SLC45A2: variants seen among roughly 807,000 people sequenced by gnomAD.
The protein encoded by SLC45A2 is solute carrier family 45 member 2, also known as membrane-associated transporter protein.
SLC45A2 carries 36 observed loss-of-function variants against 45.5 expected under a neutral mutation model. The ratio of observed to expected loss-of-function variants is 0.79; its 90% CI spans 0.61 to 1.04. The LOEUF is 1.04. Among genes scored for constraint, SLC45A2 ranks in the 50% least tolerant of loss-of-function variants. SLC45A2 has a pLI of 0.00. For synonymous variants in SLC45A2, 306 were observed against 269.3 expected, an observed-to-expected ratio of 1.14 and a Z score of -1.33; for missense variants, 719 against 671.0, an observed-to-expected ratio of 1.07 and a Z score of -0.79.
At chr5:33,969,225 G>A (rs568914580) in intron 2 of SLC45A2, among the ~76,000 whole-genome samples, 2 of 151,160 alleles carry the variant, frequency 1.3e-5, no homozygotes, top group South Asian at 4.2e-4. Context: ...TGGAGGCTGA[G>A]TACAGAAAAA....
intron 5 of SLC45A2, among the ~76,000 whole-genome samples, chr5:33,950,079 C>T (rs553796650): frequency 3.3e-5 from 5 of 151,954 alleles, no homozygotes; most frequent in African/African-American, 1.2e-4. Flanking sequence ...TGCTTGTGGT[C>T]CCGGGTACTC....
chr5:33,972,164 A>G (rs1036724057), intron 2 of SLC45A2: 12 of 520,404 alleles, frequency 2.3e-5, no homozygotes, highest in Admixed American at 8.0e-5. Context: ...CATCATTTTT[A>G]TGGATGAATT....
chr5:33,957,322 T>G (rs73761621), intron 3 of SLC45A2, among the ~76,000 whole-genome samples: 4,146 of 152,244 alleles, frequency 0.027, 218 homozygotes, highest in African/African-American at 0.096. Context: ...TCTACTGAGA[T>G]TTTCTATTTT....
At chr5:33,975,030 TGA>T (rs1752886926) in intron 2 of SLC45A2, among the ~76,000 whole-genome samples, 1 of 150,108 alleles carries the variant, frequency 6.7e-6, no homozygotes, top group African/African-American at 2.5e-5. Flanking sequence ...TTAAACAAAG[TGA>T]GAGACTCCAC....
chr5:33,957,602 T>C (rs1192194533), intron 3 of SLC45A2, among the ~76,000 whole-genome samples: 5 of 152,168 alleles, frequency 3.3e-5, no homozygotes, highest in Admixed American at 6.5e-5. Context: ...TAAATGATTA[T>C]AACCAAAATG....
chr5:33,968,470 G>A (rs1446774621), intron 2 of SLC45A2, among the ~76,000 whole-genome samples: 2 of 152,226 alleles, frequency 1.3e-5, no homozygotes, highest in African/African-American at 2.4e-5. Flanking sequence ...AGAAGGGCCA[G>A]AAGTGGTCCA....
At chr5:33,969,482 C>T (rs1347383066) in intron 2 of SLC45A2, among the ~76,000 whole-genome samples, 1 of 152,108 alleles carries the variant, frequency 6.6e-6, no homozygotes, top group East Asian at 1.9e-4. Context: ...TCTCATTGGG[C>T]CCTTCTTTCA....
chr5:33,950,478 C>G (rs1752066900), intron 5 of SLC45A2, among the ~76,000 whole-genome samples: 2 of 152,174 alleles, frequency 1.3e-5, no homozygotes, highest in Admixed American at 1.3e-4. Context: ...TTGGGCTCAT[C>G]AACTTGCATG....
chr5:33,952,480 TAAGTG>T (rs1752138662), intron 4 of SLC45A2, among the ~76,000 whole-genome samples: 2 of 151,798 alleles, frequency 1.3e-5, no homozygotes, highest in Non-Finnish European at 1.5e-5. Flanking sequence ...CATCTGTAGA[TAAGTG>T]AAAAGTCATT....
chr5:33,951,530 T>C (rs1304524525), intron 5 of SLC45A2, 24 bp downstream of exon 5: 1 of 1,613,930 alleles, frequency 6.2e-7, no homozygotes. Flanking sequence ...TTAGAAGACA[T>C]CCTTAGGAGA....
rs756708646 is a variant in SLC45A2 at position 33,954,456 on chromosome 5, T to C, written c.937A>G (p.Met313Val). The C allele has an allele frequency of 1.2e-6, 2 of 1,613,960 alleles. No homozygotes were observed. The highest frequency in any genetic ancestry group is 1.7e-6 in the Non-Finnish European group (2 of 1,179,998). The change falls in exon 4 of 7, where the codon ATG (methionine) becomes GTG (valine). Residue 313 changes from methionine to valine, a missense_variant. By Grantham distance (21) the Met-to-Val change is conservative (BLOSUM62 1). Coordinates refer to ENST00000296589, the MANE Select transcript of SLC45A2 (RefSeq NM_016180.5). ...LKSLLRALVN[M>V]PPHYRYLCIS... The stretch of plus-strand genomic sequence containing the variant: ...CAAAGGTAGCGGTAGTGAGGAGGCA[T>C]GTTCACCAGTGCTCTCAGCAGTGAC...
chr5:33,954,284 G>A (rs1752204595), intron 4 of SLC45A2, 77 bp downstream of exon 4: 1 of 1,587,586 alleles, frequency 6.3e-7, no homozygotes, highest in African/African-American at 1.3e-5. Context: ...TTAGAGGATA[G>A]CCCAGAAGAA....
At chr5:33,965,800 G>T (rs969831532) in intron 2 of SLC45A2, among the ~76,000 whole-genome samples, 1 of 152,188 alleles carries the variant, frequency 6.6e-6, no homozygotes, top group Non-Finnish European at 1.5e-5. Context: ...CAACCAATAA[G>T]AATGTATTAA....
chr5:33,954,536 T>C (rs755483244), intron 3 of SLC45A2, 32 bp from the exon 4 acceptor site: 6 of 1,612,508 alleles, frequency 3.7e-6, no homozygotes, highest in Middle Eastern at 2.0e-4. Flanking sequence ...AGGTGTGATC[T>C]TCACTGCAGA....
intron 2 of SLC45A2, among the ~76,000 whole-genome samples, chr5:33,968,509 G>C (rs1752674756): frequency 6.6e-6 from 1 of 152,336 alleles, no homozygotes; most frequent in African/African-American, 2.4e-5. Flanking sequence ...AAGCCAGGCT[G>C]TGTTGTCAAA....
intron 2 of SLC45A2, among the ~76,000 whole-genome samples, chr5:33,967,729 T>C (rs1752640294): frequency 6.6e-6 from 1 of 151,770 alleles, no homozygotes; most frequent in Non-Finnish European, 1.5e-5. Context: ...TAACCCCTTG[T>C]CTTGTAGAAG....
At position 33,955,439 on chromosome 5, in the gene SLC45A2, C is replaced by T. The variant is rs770208026; in HGVS notation, c.889-935G>A. 1.8e-4 allele frequency among the ~76,000 whole-genome samples: 27 copies of T among 152,288 alleles called. 1 individual carries two copies. Among genetic ancestry groups the T allele is most frequent in the Middle Eastern group, 3.4e-3 (1 of 294 alleles). ...ATCTACAGAACTGTGAGATAATAAACTGATGTTGTTTTAAGCAGCTAAGTT... is the reference window on the plus strand; with the variant it reads ...ATCTACAGAACTGTGAGATAATAAATTGATGTTGTTTTAAGCAGCTAAGTT... On this transcript the variant is annotated intron_variant, in intron 3 of 6. Coordinates refer to ENST00000296589, the MANE Select transcript of SLC45A2 (RefSeq NM_016180.5).
intron 5 of SLC45A2, among the ~76,000 whole-genome samples, chr5:33,949,280 T>G (rs1752028384): frequency 6.6e-6 from 1 of 152,108 alleles, no homozygotes; most frequent in East Asian, 1.9e-4. Context: ...GGTAATATAG[T>G]GAGCTCTGGA....
rs1310846892 is a variant in SLC45A2 at position 33,951,675 on chromosome 5, A to G, written c.1035T>C (p.Ile345=). 1.2e-6 allele frequency: 2 copies of G among 1,614,080 alleles called. No individual in the cohort carries two copies. The highest frequency in any genetic ancestry group is 1.7e-6 in the Non-Finnish European group (2 of 1,180,034). ...CACTATAGGGATCCCCGCGGTACAC[A>G]ATCTGAAAGAGAGATTGGAGGCTGT... The part of the protein sequence containing the change: ...MLFFTDFMGQ[I]VYRGDPYSAH... The change falls in exon 5 of 7, where the codon ATT becomes ATC. Residue 345 remains isoleucine (I), a splice_region_variant and synonymous_variant. Coordinates refer to ENST00000296589, the MANE Select transcript of SLC45A2 (RefSeq NM_016180.5).
Sources: gnomAD v4.1 joint callset for allele counts (sites outside exome capture counted in the v4.1 genomes callset) on GRCh38, gnomAD v4.1.1 for gene constraint, MANE v1.5 for transcripts, NCBI Gene and HGNC (gene_info 2026-07-23, HGNC 2026-07-21) for gene names.